The following CMIP variants were observed in gnomAD, a reference collection of about 807,000 sequenced individuals.
The protein encoded by CMIP is c-Maf inducing protein.
In CMIP, 13 loss-of-function variants were observed where a neutral mutation model predicts 97.3. The observed-to-expected ratio is 0.13, with a 90% CI of 0.09 to 0.21. The LOEUF (loss-of-function observed/expected upper bound fraction) is 0.21, where lower values mean the gene tolerates loss of function less well. CMIP is among the 10% of genes least tolerant of loss of function. The pLI is 1.00. For missense variants in CMIP, 847 were observed against 1,024.9 expected (o/e 0.83, Z 2.37); for synonymous variants, 538 against 436.3 (o/e 1.23, Z -2.91).
chr16:81,558,236 A>T (rs186051874), intron 1 of CMIP, among the ~76,000 whole-genome samples: 221 of 152,266 alleles, frequency 1.5e-3, no homozygotes, highest in African/African-American at 5.0e-3. Flanking sequence ...CGTTAGAGAT[A>T]GTGCTGCGGT....
intron 1 of CMIP, among the ~76,000 whole-genome samples, chr16:81,596,749 A>G (rs1404711530): frequency 6.6e-6 from 1 of 152,088 alleles, no homozygotes; most frequent in African/African-American, 2.4e-5. Context: ...GGATTTTCCC[A>G]ATAGAGTAGT....
chr16:81,493,885 G>A (rs1339535354), intron 1 of CMIP, among the ~76,000 whole-genome samples: 2 of 152,188 alleles, frequency 1.3e-5, no homozygotes, highest in East Asian at 3.9e-4. Context: ...TGACTCACGC[G>A]GCCTGTCACC....
At chr16:81,511,718 G>A (rs1002964065) in intron 1 of CMIP, among the ~76,000 whole-genome samples, 6 of 152,182 alleles carry the variant, frequency 3.9e-5, no homozygotes, top group Non-Finnish European at 5.9e-5. Flanking sequence ...GCACCACCAC[G>A]CCTGCCTAAT....
At chr16:81,509,019 G>T (rs147101127) in intron 1 of CMIP, among the ~76,000 whole-genome samples, 2 of 152,278 alleles carry the variant, frequency 1.3e-5, no homozygotes, top group East Asian at 3.9e-4. Flanking sequence ...CTTTCCCTTA[G>T]CCTTAAGAGC....
chr16:81,642,757 G>A (rs1379246136), intron 3 of CMIP, among the ~76,000 whole-genome samples: 5 of 152,142 alleles, frequency 3.3e-5, no homozygotes, highest in Admixed American at 2.0e-4. Context: ...TTAGCCAGGC[G>A]TGGTGGCGGG....
At chr16:81,522,717 G>C (rs2966103) in intron 1 of CMIP, among the ~76,000 whole-genome samples, 65,350 of 151,946 alleles carry the variant, frequency 0.43, 16,725 homozygotes, top group African/African-American at 0.71. Flanking sequence ...AGCATTGTTA[G>C]TATGTTGTCC....
intron 1 of CMIP, among the ~76,000 whole-genome samples, chr16:81,488,642 C>T (rs375684963): frequency 2.3e-4 from 35 of 152,232 alleles, no homozygotes; most frequent in East Asian, 1.5e-3. Context: ...TCCTTGGTGG[C>T]ACTCCTGGGC....
rs772954371 is a variant in CMIP, at chr16:81,652,377, C to A, written c.639+13C>A. 2 of 1,608,250 alleles carry A rather than the reference C, an allele frequency of 1.2e-6. No homozygotes were observed. The highest frequency in any genetic ancestry group is 2.2e-5 in the East Asian group (1 of 44,846). ...ACTGCTCTCAGAGGTAAAACCCCTCCCCTGGACCCCTTTACATTGTTTGCC... is the reference window on the plus strand; with the variant it reads ...ACTGCTCTCAGAGGTAAAACCCCTCACCTGGACCCCTTTACATTGTTTGCC... On this transcript the variant is annotated intron_variant, in intron 4 of 20. Transcript: ENST00000537098. The surrounding 1 kb of genome is among the most constrained non-coding windows in gnomAD (Gnocchi z 5.2).
At chr16:81,492,846 G>T (rs1339999635) in intron 1 of CMIP, among the ~76,000 whole-genome samples, 1 of 151,976 alleles carries the variant, frequency 6.6e-6, no homozygotes, top group East Asian at 1.9e-4. Flanking sequence ...AGTAAAGGGA[G>T]AGTGGGTTAC....
At chr16:81,647,218 A>G (rs1345620187) in intron 3 of CMIP, among the ~76,000 whole-genome samples, 1 of 152,212 alleles carries the variant, frequency 6.6e-6, no homozygotes, top group Non-Finnish European at 1.5e-5. Context: ...GACGTTGAGC[A>G]TCTTCTTTGC....
intron 1 of CMIP, among the ~76,000 whole-genome samples, chr16:81,524,027 G>A (rs2090080676): frequency 1.3e-5 from 2 of 152,234 alleles, no homozygotes; most frequent in Admixed American, 6.5e-5. Flanking sequence ...TGTGCTCCTT[G>A]GAGTAGGCTT....
chr16:81,707,027 C>G lies in CMIP; in HGVS notation c.2211C>G (p.Leu737=), dbSNP rs1310829835. Residue 737 remains leucine (L), a synonymous_variant, in exon 20 of 21, where the codon CTC becomes CTG. Coordinates refer to ENST00000537098, the MANE Select transcript of CMIP (RefSeq NM_198390.3). ...TCTCTTGTGCAGCCATGAAGAGTCTCTGCAGTTTAAACATGAACAGCACCA... is the reference window on the plus strand; with the variant it reads ...TCTCTTGTGCAGCCATGAAGAGTCTGTGCAGTTTAAACATGAACAGCACCA... The part of the protein sequence containing the change: ...GLLALSSMKS[L]CSLNMNSTKL... 4.3e-6 allele frequency: 7 copies of G among 1,613,658 alleles called. No homozygotes were observed. The highest frequency in any genetic ancestry group is 5.9e-6 in the Non-Finnish European group (7 of 1,179,768).
chr16:81,572,237 T>C (rs1222401600), intron 1 of CMIP, among the ~76,000 whole-genome samples: 4 of 152,218 alleles, frequency 2.6e-5, no homozygotes, highest in Admixed American at 2.6e-4. Context: ...AGACTCCATT[T>C]CTCATCTCTG....
At chr16:81,488,667 T>A (rs1181863853) in intron 1 of CMIP, among the ~76,000 whole-genome samples, 1 of 152,088 alleles carries the variant, frequency 6.6e-6, no homozygotes. Context: ...ATCAGCTTCC[T>A]TGCTTTACCG....
chr16:81,643,455 C>G (rs898019616), intron 3 of CMIP, among the ~76,000 whole-genome samples: 2 of 152,168 alleles, frequency 1.3e-5, no homozygotes, highest in African/African-American at 2.4e-5. Flanking sequence ...GTGGTGGTTA[C>G]ACAACACTGT....
intron 1 of CMIP, among the ~76,000 whole-genome samples, chr16:81,450,898 C>T (rs1906165738): frequency 6.6e-6 from 1 of 152,224 alleles, no homozygotes; most frequent in South Asian, 2.1e-4. Flanking sequence ...GCAAGCACTG[C>T]TGCTCATTTC....
intron 1 of CMIP, among the ~76,000 whole-genome samples, chr16:81,581,861 C>T (rs1013147800): frequency 1.3e-5 from 2 of 152,122 alleles, no homozygotes; most frequent in Admixed American, 6.5e-5. Flanking sequence ...TGCAGAGGGG[C>T]CTTGTATTAA....
intron 1 of CMIP, among the ~76,000 whole-genome samples, chr16:81,591,192 C>G (rs933551034): frequency 7.2e-5 from 11 of 152,220 alleles, no homozygotes; most frequent in African/African-American, 2.7e-4. Context: ...GTTTTCTCAT[C>G]TATAAAATGG....
intron 1 of CMIP, among the ~76,000 whole-genome samples, chr16:81,474,136 C>T (rs932790841): frequency 6.6e-6 from 1 of 152,120 alleles, no homozygotes; most frequent in South Asian, 2.1e-4. Flanking sequence ...ACGGCCTCTC[C>T]ACTCCCCCAG....
Sources: gnomAD v4.1 joint callset for allele counts (sites outside exome capture counted in the v4.1 genomes callset) on GRCh38, gnomAD v4.1.1 for gene constraint, Gnocchi (gnomAD v3.1) non-coding constraint, MANE v1.5 for transcripts, NCBI Gene and HGNC (gene_info 2026-07-23, HGNC 2026-07-21) for gene names.